The following LRP5 variants were observed in gnomAD, a reference collection of about 807,000 sequenced individuals.
The protein encoded by LRP5 is low-density lipoprotein receptor-related protein 5.
A neutral mutation model predicts 154.1 loss-of-function variants in LRP5; 62 were observed. That is an observed-to-expected ratio of 0.40 (90% confidence interval 0.33 to 0.50). The LOEUF is 0.50. Ranked by LOEUF, LRP5 falls within the 20% of genes least tolerant of loss-of-function variation. The probability of loss-of-function intolerance (pLI) is 0.55; values close to 1 mark genes in which losing one functional copy is unlikely to be tolerated. For synonymous variants in LRP5, 966 were observed against 1,011.5 expected, an observed-to-expected ratio of 0.96 and a Z score of 0.85; for missense variants, 1,915 against 2,336.7, an observed-to-expected ratio of 0.82 and a Z score of 3.72.
intron 1 of LRP5, among the ~76,000 whole-genome samples, chr11:68,314,976 C>T (rs368910930): frequency 1.3e-5 from 2 of 152,318 alleles, no homozygotes; most frequent in African/African-American, 2.4e-5. Flanking sequence ...TAATTTCAGC[C>T]GTGCTGTGTC....
At chr11:68,340,601 A>C (rs1329475526) in intron 1 of LRP5, among the ~76,000 whole-genome samples, 1 of 152,158 alleles carries the variant, frequency 6.6e-6, no homozygotes, top group Non-Finnish European at 1.5e-5. Context: ...AGTGATTGTC[A>C]TGGGCCAGGT....
the LRP5 span, among the ~76,000 whole-genome samples, chr11:68,300,055 T>C: frequency 2.0e-5 from 3 of 146,724 alleles, 1 homozygote; most frequent in Non-Finnish European, 4.6e-5. Context: ...GTTAATTTTT[T>C]TTTTTTCAGT....
intron 20 of LRP5, among the ~76,000 whole-genome samples, chr11:68,438,954 A>G (rs2098676593): frequency 6.6e-6 from 1 of 152,228 alleles, no homozygotes; most frequent in African/African-American, 2.4e-5. Context: ...CTAGTAGGAC[A>G]TGTGCTGTGT....
At chr11:68,371,882 C>T (rs540208067) in intron 5 of LRP5, among the ~76,000 whole-genome samples, 3 of 152,334 alleles carry the variant, frequency 2.0e-5, no homozygotes, top group African/African-American at 7.2e-5. Flanking sequence ...GAGAGCCTTC[C>T]GAGGTGTCAC....
At chr11:68,389,832 C>T in intron 6 of LRP5, 49 bp from the exon 7 acceptor site, 1 of 1,607,048 alleles carries the variant, frequency 6.2e-7, no homozygotes, top group Admixed American at 1.7e-5. Context: ...GGGGATGCTG[C>T]AGAGACCAGA....
chr11:68,426,761 C>A (rs1426925392), intron 16 of LRP5, among the ~76,000 whole-genome samples: 1 of 152,218 alleles, frequency 6.6e-6, no homozygotes, highest in East Asian at 1.9e-4. Context: ...AGGCAAAGTC[C>A]AGGCACAGCG....
At chr11:68,392,713 G>T (rs2098647031) in intron 7 of LRP5, among the ~76,000 whole-genome samples, 1 of 152,056 alleles carries the variant, frequency 6.6e-6, no homozygotes, top group Non-Finnish European at 1.5e-5. Context: ...GTCTCTGGGG[G>T]TTCACTTCTT....
intron 9 of LRP5, among the ~76,000 whole-genome samples, chr11:68,407,527 C>A (rs1368897201): frequency 6.6e-6 from 1 of 151,046 alleles, no homozygotes; most frequent in Non-Finnish European, 1.5e-5. Flanking sequence ...TGTGGGCTGG[C>A]CTTCTGATTC....
chr11:68,315,019 C>T (rs909052040), intron 1 of LRP5, among the ~76,000 whole-genome samples: 1 of 152,148 alleles, frequency 6.6e-6, no homozygotes, highest in Non-Finnish European at 1.5e-5. Context: ...CTCACACACA[C>T]GGGTGGGGGA....
chr11:68,315,664 A>G (rs1423976424), intron 1 of LRP5, among the ~76,000 whole-genome samples: 3 of 152,266 alleles, frequency 2.0e-5, no homozygotes, highest in Non-Finnish European at 4.4e-5. Flanking sequence ...TGAGTGCGAT[A>G]GAATGGCAGA....
chr11:68,344,174 C>A (rs1001112927), intron 1 of LRP5, among the ~76,000 whole-genome samples: 1 of 152,174 alleles, frequency 6.6e-6, no homozygotes, highest in Non-Finnish European at 1.5e-5. Flanking sequence ...CCTGAGTTTT[C>A]TTCGTTATCT....
At chr11:68,326,857 A>G (rs2098600005) in intron 1 of LRP5, among the ~76,000 whole-genome samples, 2 of 152,142 alleles carry the variant, frequency 1.3e-5, no homozygotes, top group South Asian at 4.1e-4. Context: ...CATGGTGGGG[A>G]GGGGTCCCCG....
chr11:68,380,110 G>A (rs748537893), intron 5 of LRP5, among the ~76,000 whole-genome samples: 11 of 152,220 alleles, frequency 7.2e-5, no homozygotes, highest in Non-Finnish European at 1.5e-4. Flanking sequence ...TCCAGCCTGG[G>A]CAATAAGAGT....
intron 7 of LRP5, among the ~76,000 whole-genome samples, chr11:68,391,443 T>C (rs1489536195): frequency 6.6e-6 from 1 of 152,256 alleles, no homozygotes; most frequent in Non-Finnish European, 1.5e-5. Flanking sequence ...CTTGTTGACG[T>C]CACCATCGGG....
In LRP5 at chr11:68,433,822, C is replaced by T. The variant is rs555253491; in HGVS notation, c.3984C>T (p.Asp1328=). 1.1e-5 allele frequency: 17 copies of T among 1,612,508 alleles called. No homozygotes were observed. In the East Asian group the frequency reaches 1.1e-4, roughly 11 times the overall value. The change falls in exon 18 of 23, where the codon GAC becomes GAT. Residue 1328 remains aspartate (D), a synonymous_variant. Transcript: ENST00000294304. The stretch of plus-strand genomic sequence containing the variant: ...AGGCAGACTGTCAGGACCGCTCAGA[C>T]GAGGCGGACTGTGACGGTGAGGCCC... The part of the protein sequence containing the change: ...DGEADCQDRS[D]EADCDAICLP...
chr11:68,359,456 T>C (rs2098625860), intron 3 of LRP5, among the ~76,000 whole-genome samples: 1 of 152,278 alleles, frequency 6.6e-6, no homozygotes, highest in South Asian at 2.1e-4. Flanking sequence ...CTTACAGTTA[T>C]GAAGGGTGGA....
At chr11:68,347,486 C>G (rs1466970016) in intron 1 of LRP5, among the ~76,000 whole-genome samples, 1 of 152,228 alleles carries the variant, frequency 6.6e-6, no homozygotes, top group Non-Finnish European at 1.5e-5. Context: ...GGGGATGTGG[C>G]TTCTCTGCAG....
At chr11:68,407,125 C>T (rs1437638391) in intron 9 of LRP5, among the ~76,000 whole-genome samples, 2 of 151,600 alleles carry the variant, frequency 1.3e-5, no homozygotes, top group Non-Finnish European at 2.9e-5. Flanking sequence ...ACTCTTTCTT[C>T]ATTTATAGTG....
chr11:68,400,243 G>T (rs1160597895), intron 7 of LRP5, among the ~76,000 whole-genome samples: 1 of 152,168 alleles, frequency 6.6e-6, no homozygotes, highest in Non-Finnish European at 1.5e-5. Context: ...AGTGGCTGCC[G>T]GCCGCTGCCC....
Sources: gnomAD v4.1 joint callset for allele counts (sites outside exome capture counted in the v4.1 genomes callset) on GRCh38, gnomAD v4.1.1 for gene constraint, MANE v1.5 for transcripts, NCBI Gene and HGNC (gene_info 2026-07-23, HGNC 2026-07-21) for gene names.